SLCO2A1: variants seen among roughly 807,000 people sequenced by gnomAD.
The protein encoded by SLCO2A1 is solute carrier organic anion transporter family member 2A1, also known as matrin F/G 1.
A neutral mutation model predicts 71.7 loss-of-function variants in SLCO2A1; 60 were observed. The ratio of observed to expected loss-of-function variants is 0.84; its 90% CI spans 0.68 to 1.04. SLCO2A1 has a LOEUF of 1.04. Ranked by LOEUF, SLCO2A1 falls within the 50% of genes least tolerant of loss-of-function variation. The probability of loss-of-function intolerance (pLI) is 0.00; values close to 1 mark genes in which losing one functional copy is unlikely to be tolerated. For missense variants in SLCO2A1, 745 were observed against 813.4 expected, an observed-to-expected ratio of 0.92 and a Z score of 1.02; for synonymous variants, 308 against 326.7, an observed-to-expected ratio of 0.94 and a Z score of 0.62.
At chr3:133,951,365 G>A in intron 5 of SLCO2A1, 21 bp from the exon 6 acceptor site, 4 of 1,613,084 alleles carry the variant, frequency 2.5e-6, no homozygotes, top group Non-Finnish European at 3.4e-6. Context: ...AACGAAGAGT[G>A]CAAATGTTTG....
rs1296308246 is a variant in SLCO2A1 at position 133,945,154 on chromosome 3, A to G, written c.1402T>C (p.Ser468Pro). The G allele has an allele frequency of 4.3e-6, 7 of 1,614,122 alleles. No individual in the cohort carries two copies. The highest frequency in any genetic ancestry group is 5.9e-6 in the Non-Finnish European group (7 of 1,179,982). The change falls in exon 10 of 14, where the codon TCC (serine) becomes CCC (proline). Residue 468 changes from serine (S) to proline (P), a missense_variant. Coordinates refer to ENST00000310926, the MANE Select transcript of SLCO2A1 (RefSeq NM_005630.3). The part of the protein sequence containing the change: ...VCGDNGIEYL[S>P]PCHAGCSNIN... The stretch of plus-strand genomic sequence containing the variant: ...TTGCTGCAGCCGGCATGGCAAGGGG[A>G]GAGGTACTCGATTCCATTGTCTCCA...
At position 134,019,017 on chromosome 3, in the gene SLCO2A1, C is replaced by G. The variant is rs575169683; in HGVS notation, c.96+10690G>C. On this transcript the variant is annotated intron_variant, in intron 1 of 13. Transcript: ENST00000310926. ...CCCGTTAGCCACTGGGAGCATCCACCTGAAGCCACTGCTGCTCCCCTTGGT... is the reference window on the plus strand; with the variant it reads ...CCCGTTAGCCACTGGGAGCATCCACGTGAAGCCACTGCTGCTCCCCTTGGT... Among the ~76,000 whole-genome samples, 50 of 152,330 alleles carry G rather than the reference C, an allele frequency of 3.3e-4. No homozygotes were observed. The South Asian group carries it at 0.01, about 31-fold the overall frequency.
chr3:133,965,473 T>G (rs1328612830), intron 3 of SLCO2A1, among the ~76,000 whole-genome samples: 1 of 152,156 alleles, frequency 6.6e-6, no homozygotes, highest in East Asian at 1.9e-4. Context: ...GTGAATGACA[T>G]GGATGACACG....
intron 1 of SLCO2A1, among the ~76,000 whole-genome samples, chr3:134,029,474 ACACACACACACACACTCGCACG>A (rs1935773753): frequency 1.4e-3 from 15 of 10,772 alleles, no homozygotes; most frequent in African/African-American, 4.1e-3. Context: ...AGGCGTGTGA[ACACACACACACACACTCGCACG>A]CACACACACA....
At position 133,934,059 on chromosome 3, in the gene SLCO2A1, C is replaced by G. The variant is rs1188930534; in HGVS notation, c.*654G>C. ...TCCTTGGGGTTTCTCAGTCCCTGCT[C>G]TGGTGCCTGCATGCAGGTAATGGGC... On this transcript the variant is annotated 3_prime_UTR_variant, in exon 14 of 14. Transcript: ENST00000310926. 4 of 152,290 alleles carry G rather than the reference C, an allele frequency of 2.6e-5. No homozygotes were observed. Among genetic ancestry groups the G allele is most frequent in the Admixed American group, 1.3e-4 (2 of 15,286 alleles). 9.4% of individuals were successfully genotyped at this position (152,290 alleles called of 1,614,324 possible).
intron 5 of SLCO2A1, among the ~76,000 whole-genome samples, chr3:133,953,194 G>A (rs188767433): frequency 2.0e-4 from 30 of 152,084 alleles, no homozygotes; most frequent in Admixed American, 1.4e-3. Flanking sequence ...CTGCCACCAC[G>A]CCCGGCTAAT....
intron 1 of SLCO2A1, among the ~76,000 whole-genome samples, chr3:133,983,961 A>ATTTCC (rs1256850575): frequency 6.6e-6 from 1 of 152,126 alleles, no homozygotes; most frequent in African/African-American, 2.4e-5. Context: ...GAGGGCCAGG[A>ATTTCC]AGAGGTCAAA....
At chr3:133,985,518 A>G (rs2108061582) in intron 1 of SLCO2A1, among the ~76,000 whole-genome samples, 1 of 152,326 alleles carries the variant, frequency 6.6e-6, no homozygotes, top group Non-Finnish European at 1.5e-5. Context: ...CACGGGCTGC[A>G]TTATCTTCTT....
rs374009284 is a variant in SLCO2A1, at chr3:133,962,771, T to C, written c.398-7578A>G. ...TTATAGAAGCATGGCAGGTTAGAGG[T>C]TGCTAACTCTGACCTTTCCACCAAG... On this transcript the variant is annotated intron_variant, in intron 3 of 13. Transcript: ENST00000310926. 1.6e-4 allele frequency among the ~76,000 whole-genome samples: 24 copies of C among 152,258 alleles called. 1 individual carries two copies. Among genetic ancestry groups the C allele is most frequent in the African/African-American group, 3.1e-4 (13 of 41,574 alleles).
Position 133,934,461 on chromosome 3 carries a change from G to A in SLCO2A1, c.*252C>T, listed in dbSNP as rs369013502. ...ACACTGAAGTGAGCCTGGGCATCTGGGGGCCTCTTCCAAGGGGCCAGGGAA... is the reference window on the plus strand; with the variant it reads ...ACACTGAAGTGAGCCTGGGCATCTGAGGGCCTCTTCCAAGGGGCCAGGGAA... On this transcript the variant is annotated 3_prime_UTR_variant, in exon 14 of 14. Transcript: ENST00000310926. 2.7e-6 allele frequency: 1 copy of A among 366,594 alleles called. No homozygotes were observed. Among genetic ancestry groups the A allele is most frequent in the Non-Finnish European group, 5.0e-6 (1 of 199,182 alleles). The allele number at this position is 366,594 out of a possible 1,614,324, so 22.7% of individuals were successfully genotyped here. A position where few individuals can be genotyped will look rare whatever the true frequency, so the allele number is the denominator to read the frequency against.
At chr3:133,968,853 C>T (rs769418883) in intron 3 of SLCO2A1, among the ~76,000 whole-genome samples, 15 of 152,198 alleles carry the variant, frequency 9.9e-5, no homozygotes, top group Admixed American at 5.9e-4. Flanking sequence ...TCTCTAAAGG[C>T]GCCAGGGTAC....
At chr3:133,962,807 T>C (rs371472217) in intron 3 of SLCO2A1, among the ~76,000 whole-genome samples, 7 of 152,176 alleles carry the variant, frequency 4.6e-5, no homozygotes, top group African/African-American at 1.7e-4. Context: ...TCAAATCCTG[T>C]AGTAAGGTCA....
chr3:133,995,174 G>A (rs1324638524), intron 1 of SLCO2A1, among the ~76,000 whole-genome samples: 3 of 152,158 alleles, frequency 2.0e-5, no homozygotes, highest in Non-Finnish European at 2.9e-5. Flanking sequence ...AGGGGAGCCA[G>A]TCTTTTGACT....
At chr3:133,950,888 T>C (rs542951240) in intron 6 of SLCO2A1, 14 of 367,520 alleles carry the variant, frequency 3.8e-5, no homozygotes, top group Admixed American at 1.2e-4. Context: ...CTGTACCAGG[T>C]CGCAGACTTG....
At chr3:133,989,271 C>T (rs1934784396) in intron 1 of SLCO2A1, among the ~76,000 whole-genome samples, 1 of 152,198 alleles carries the variant, frequency 6.6e-6, no homozygotes, top group Non-Finnish European at 1.5e-5. Flanking sequence ...GGAGTTCTTT[C>T]TTGCTTTAAT....
intron 1 of SLCO2A1, among the ~76,000 whole-genome samples, chr3:133,993,513 A>G (rs1040082157): frequency 8.5e-5 from 13 of 152,222 alleles, no homozygotes; most frequent in African/African-American, 3.1e-4. Flanking sequence ...AAACATAAAC[A>G]TGTGAGACAA....
chr3:134,025,064 G>A (rs9809077), intron 1 of SLCO2A1, among the ~76,000 whole-genome samples: 78,599 of 151,874 alleles, frequency 0.52, 21,829 homozygotes, highest in South Asian at 0.68. Context: ...CCCTGCTCTA[G>A]TCACACCCGG....
chr3:133,947,345 G>A lies in SLCO2A1; in HGVS notation c.1206C>T (p.Thr402=). Residue 402 remains threonine, a synonymous_variant, in exon 9 of 14, where the codon ACC becomes ACT. Transcript: ENST00000310926. ...GGATCATGGAGATGGTGATGATGGT[G>A]GTAGCTATGCGGGGAATGGCTTGTA... ...FSLQAIPRIA[T]TIITISMILC... 2 of 1,614,100 alleles carry A rather than the reference G, an allele frequency of 1.2e-6. No homozygotes were observed. Among genetic ancestry groups the A allele is most frequent in the Non-Finnish European group, 1.7e-6 (2 of 1,180,018 alleles).
chr3:134,001,068 T>A (rs921216686), intron 1 of SLCO2A1, among the ~76,000 whole-genome samples: 2 of 151,856 alleles, frequency 1.3e-5, no homozygotes, highest in African/African-American at 4.8e-5. Flanking sequence ...AAAGCAAGGA[T>A]CTGGAGCCCC....
Sources: gnomAD v4.1 joint callset for allele counts (sites outside exome capture counted in the v4.1 genomes callset) on GRCh38, gnomAD v4.1.1 for gene constraint, MANE v1.5 for transcripts, NCBI Gene and HGNC (gene_info 2026-07-23, HGNC 2026-07-21) for gene names.